DCC: variants seen among roughly 807,000 people sequenced by gnomAD.
The protein encoded by DCC is DCC netrin 1 receptor.
In DCC, 58 loss-of-function variants were observed where a neutral mutation model predicts 172.5. The observed-to-expected ratio is 0.34, with a 90% CI of 0.27 to 0.42. DCC has a LOEUF of 0.42. DCC is among the 10% of genes least tolerant of loss of function. The probability of loss-of-function intolerance (pLI) is 1.00; values close to 1 mark genes in which losing one functional copy is unlikely to be tolerated. For missense variants in DCC, 1,740 were observed against 1,791.0 expected (o/e 0.97, Z 0.51); for synonymous variants, 709 against 644.5 (o/e 1.10, Z -1.52).
At chr18:53,320,490 T>C (rs2057398581) in intron 13 of DCC, among the ~76,000 whole-genome samples, 1 of 152,198 alleles carries the variant, frequency 6.6e-6, no homozygotes, top group African/African-American at 2.4e-5. Context: ...AATTTTTTAA[T>C]TTCCCAGAAA....
chr18:52,621,039 G>A (rs973602223), intron 1 of DCC, among the ~76,000 whole-genome samples: 19 of 152,218 alleles, frequency 1.2e-4, no homozygotes, highest in Admixed American at 1.2e-3. Flanking sequence ...AGCCACTCTG[G>A]ATGAAGGCTG....
intron 13 of DCC, among the ~76,000 whole-genome samples, chr18:53,315,099 G>A (rs974447444): frequency 6.6e-6 from 1 of 152,126 alleles, no homozygotes; most frequent in Non-Finnish European, 1.5e-5. Context: ...TTCTCCTAAA[G>A]CTATCCCTCC....
intron 15 of DCC, among the ~76,000 whole-genome samples, chr18:53,356,081 G>T (rs1263421562): frequency 6.6e-6 from 1 of 151,768 alleles, no homozygotes; most frequent in Non-Finnish European, 1.5e-5. Context: ...TTGAGACAGG[G>T]TCTCACTCTG....
chr18:52,836,306 A>C (rs1385568471), intron 2 of DCC, among the ~76,000 whole-genome samples: 1 of 152,170 alleles, frequency 6.6e-6, no homozygotes, highest in African/African-American at 2.4e-5. Context: ...AATTCAAAAC[A>C]CAATCATGCC....
rs376894736 is a variant in DCC at position 53,280,099 on chromosome 18, T to G, written c.1912-25479T>G. On this transcript the variant is annotated intron_variant, in intron 12 of 28. Transcript: ENST00000442544. ...CCATGAACCTAAAACAAAAGTTTTT[T>G]AAAAAAAATCCTAGGCTTCTGTTGA... is the stretch of plus-strand genomic sequence containing the variant. Among the ~76,000 whole-genome samples, 4 of 152,280 alleles carry G rather than the reference T, an allele frequency of 2.6e-5. No individual in the cohort carries two copies. In the South Asian group the frequency reaches 6.2e-4, roughly 24 times the overall value.
chr18:52,948,814 A>T (rs939642844), intron 5 of DCC, among the ~76,000 whole-genome samples: 5 of 152,020 alleles, frequency 3.3e-5, no homozygotes, highest in African/African-American at 1.2e-4. Context: ...TTTAATCCTC[A>T]TATGTCATAT....
At chr18:53,088,965 ACT>A (rs1293547296) in intron 7 of DCC, among the ~76,000 whole-genome samples, 3 of 152,110 alleles carry the variant, frequency 2.0e-5, no homozygotes, top group African/African-American at 7.2e-5. Context: ...CTAATAAGTA[ACT>A]CTATGCAGTT....
At chr18:52,497,987 A>G (rs773917136) in intron 1 of DCC, among the ~76,000 whole-genome samples, 1 of 152,168 alleles carries the variant, frequency 6.6e-6, no homozygotes, top group Non-Finnish European at 1.5e-5. Flanking sequence ...CTATCTTGCA[A>G]TTACTCAGCT....
intron 2 of DCC, among the ~76,000 whole-genome samples, chr18:52,859,169 C>T (rs548013160): frequency 1.3e-5 from 2 of 152,030 alleles, no homozygotes; most frequent in Admixed American, 6.5e-5. Flanking sequence ...AAAATAATGG[C>T]CCATAGTGGT....
intron 15 of DCC, among the ~76,000 whole-genome samples, chr18:53,362,225 C>G (rs2057955669): frequency 6.6e-6 from 1 of 152,110 alleles, no homozygotes; most frequent in African/African-American, 2.4e-5. Flanking sequence ...GGACTTGTGC[C>G]TCTGTTGAAT....
At chr18:53,048,297 C>A (rs2042286045) in intron 5 of DCC, among the ~76,000 whole-genome samples, 2 of 151,684 alleles carry the variant, frequency 1.3e-5, no homozygotes, top group African/African-American at 4.8e-5. Flanking sequence ...CAGAAAAAGG[C>A]CCAAGCGTCT....
intron 2 of DCC, among the ~76,000 whole-genome samples, chr18:52,881,691 G>A (rs867870315): frequency 1.3e-5 from 2 of 151,992 alleles, no homozygotes; most frequent in South Asian, 2.1e-4. Flanking sequence ...ACCATGCTGT[G>A]TTGGTTACTA....
chr18:53,028,440 T>C (rs1000980681), intron 5 of DCC, among the ~76,000 whole-genome samples: 9 of 152,154 alleles, frequency 5.9e-5, no homozygotes, highest in African/African-American at 2.2e-4. Context: ...AGAAAAATTA[T>C]ATAAATAGCT....
intron 15 of DCC, among the ~76,000 whole-genome samples, chr18:53,375,019 G>A (rs1183789691): frequency 1.3e-5 from 2 of 152,148 alleles, no homozygotes; most frequent in African/African-American, 4.8e-5. Context: ...TTGGAAAGTA[G>A]GACAGACCTG....
chr18:52,870,679 G>A (rs933955479), intron 2 of DCC, among the ~76,000 whole-genome samples: 2 of 147,704 alleles, frequency 1.4e-5, no homozygotes, highest in Middle Eastern at 3.4e-3. Context: ...CTGCCAATCA[G>A]TCCCGTGCCC....
Position 53,534,161 on chromosome 18 carries a change from A to G in DCC, c.*3508A>G, listed in dbSNP as rs752894846. The G allele has an allele frequency of 6.6e-6, 1 of 152,214 alleles. No homozygotes were observed. Among genetic ancestry groups the G allele is most frequent in the African/African-American group, 2.4e-5 (1 of 41,452 alleles). The allele number at this position is 152,214 out of a possible 1,614,324, so 9.4% of individuals were successfully genotyped here. On this transcript the variant is annotated 3_prime_UTR_variant, in exon 29 of 29. Coordinates refer to ENST00000442544, the MANE Select transcript of DCC (RefSeq NM_005215.4). ...CAGATATAGCAGCTGGACTGTAATT[A>G]CAACAAAAGGTTACCTCTAAAGATA...
rs541500273 is a variant in DCC, at chr18:53,142,205, G to A, written c.1262-15151G>A. Among the ~76,000 whole-genome samples, 170 of 152,336 alleles carry A rather than the reference G, an allele frequency of 1.1e-3. 1 individual carries two copies. The highest frequency in any genetic ancestry group is 4.0e-3 in the African/African-American group (165 of 41,574). On this transcript the variant is annotated intron_variant, in intron 7 of 28. Coordinates refer to ENST00000442544, the MANE Select transcript of DCC (RefSeq NM_005215.4). ...TAGACACACAGGCTGACTGGTGCCA[G>A]GTGATACAAAAGCGTCAGCATGAAT...
At chr18:52,914,869 T>G (rs1286006288) in intron 3 of DCC, among the ~76,000 whole-genome samples, 2 of 152,114 alleles carry the variant, frequency 1.3e-5, no homozygotes, top group Non-Finnish European at 2.9e-5. Context: ...GTAACTCTTA[T>G]GCCTGGGAAG....
At chr18:53,452,839 GAGAAAA>G (rs2045431852) in intron 23 of DCC, among the ~76,000 whole-genome samples, 1 of 152,042 alleles carries the variant, frequency 6.6e-6, no homozygotes, top group African/African-American at 2.4e-5. Flanking sequence ...TATTTTCATA[GAGAAAA>G]AGAAAATGTT....
Sources: allele counts gnomAD v4.1 joint callset (sites outside exome capture counted in the v4.1 genomes callset), GRCh38; gene constraint gnomAD v4.1.1; transcripts MANE v1.5; gene names NCBI Gene and HGNC (gene_info 2026-07-23, HGNC 2026-07-21).